The following TNFAIP6 variants were observed in gnomAD, a reference collection of about 807,000 sequenced individuals.
TNFAIP6 encodes TNF alpha induced protein 6.
In TNFAIP6, 36 loss-of-function variants were observed where a neutral mutation model predicts 33.7. That is an observed-to-expected ratio of 1.07 (90% CI 0.82 to 1.41). The LOEUF (loss-of-function observed/expected upper bound fraction) is 1.41, where lower values mean the gene tolerates loss of function less well. TNFAIP6 is among the 40% of genes most tolerant of loss of function. The pLI, the probability that TNFAIP6 is intolerant of heterozygous loss-of-function variation, is 0.00. For missense variants in TNFAIP6, 273 were observed against 331.9 expected, an observed-to-expected ratio of 0.82 and a Z score of 1.38; for synonymous variants, 113 against 112.8, an observed-to-expected ratio of 1.00 and a Z score of -0.01.
intron 4 of TNFAIP6, among the ~76,000 whole-genome samples, chr2:151,372,572 G>A (rs763333308): frequency 5.3e-5 from 8 of 152,044 alleles, no homozygotes; most frequent in Admixed American, 1.3e-4. Flanking sequence ...ATATCACCAA[G>A]CATATGCCCA....
intron 5 of TNFAIP6, among the ~76,000 whole-genome samples, chr2:151,376,758 T>C (rs1033223536): frequency 6.6e-6 from 1 of 152,098 alleles, no homozygotes; most frequent in Non-Finnish European, 1.5e-5. Context: ...TTTTCTTTTG[T>C]TATTCAACGT....
chr2:151,374,395 A>G (rs1437300211), intron 5 of TNFAIP6, among the ~76,000 whole-genome samples: 1 of 152,162 alleles, frequency 6.6e-6, no homozygotes, highest in Non-Finnish European at 1.5e-5. Flanking sequence ...TCAGTATTTT[A>G]TTTTATTTCC....
At position 151,373,594 on chromosome 2, in the gene TNFAIP6, G is replaced by A; in HGVS notation, c.664+5G>A. The A allele has an allele frequency of 2.0e-6, 3 of 1,517,804 alleles. No individual in the cohort carries two copies. The South Asian group carries it at 4.0e-5, about 20-fold the overall frequency. The allele number at this position is 1,517,804 out of a possible 1,614,324, so 94.0% of individuals were successfully genotyped here. A position where few individuals can be genotyped will look rare whatever the true frequency, so the allele number is the denominator to read the frequency against. ...CAGATGACATCATCAGTACAGGTAAGGTTTTAAATTGAGGACCAAAACTAT... is the reference window on the plus strand; with the variant it reads ...CAGATGACATCATCAGTACAGGTAAAGTTTTAAATTGAGGACCAAAACTAT... On this transcript the variant is annotated splice_donor_5th_base_variant and intron_variant, in intron 5 of 5. Coordinates refer to ENST00000243347, the MANE Select transcript of TNFAIP6 (RefSeq NM_007115.4).
chr2:151,363,897 G>A (rs978581935), intron 1 of TNFAIP6, 46 bp from the exon 2 acceptor site: 4 of 1,598,476 alleles, frequency 2.5e-6, no homozygotes, highest in African/African-American at 2.7e-5. Context: ...CCCCTGTTCC[G>A]TAAGAAGGAA....
Position 151,366,113 on chromosome 2 carries a change from T to C in TNFAIP6, c.290T>C (p.Val97Ala). ...AAGGGCAGAGTTGGATACCCCATTG[T>C]GAAGCCAGGGCCCAACTGTGGATTT... is the stretch of plus-strand genomic sequence containing the variant. Reference protein sequence around the residue: ...MAKGRVGYPIVKPGPNCGFGK... With the variant: ...MAKGRVGYPIAKPGPNCGFGK... The change falls in exon 3 of 6, where the codon GTG (valine) becomes GCG (alanine). Residue 97 changes from valine (V) to alanine (A), a missense_variant. Val to Ala is a moderately conservative substitution (Grantham distance 64, BLOSUM62 0). Transcript: ENST00000243347. The C allele has an allele frequency of 6.2e-7, 1 of 1,614,196 alleles. No individual in the cohort carries two copies. Among genetic ancestry groups the C allele is most frequent in the Non-Finnish European group, 8.5e-7 (1 of 1,180,018 alleles).
chr2:151,371,292 A>G (rs1684811814), intron 4 of TNFAIP6, among the ~76,000 whole-genome samples: 1 of 152,122 alleles, frequency 6.6e-6, no homozygotes, highest in African/African-American at 2.4e-5. Flanking sequence ...TATATTGCAA[A>G]TTAAAGAGTG....
In TNFAIP6 at chr2:151,366,108, C is replaced by T. The variant is rs767780261; in HGVS notation, c.285C>T (p.Pro95=). The T allele has an allele frequency of 1.2e-6, 2 of 1,614,088 alleles. No individual in the cohort carries two copies. The highest frequency in any genetic ancestry group is 1.7e-6 in the Non-Finnish European group (2 of 1,179,980). ...TGGCTAAGGGCAGAGTTGGATACCC[C>T]ATTGTGAAGCCAGGGCCCAACTGTG... ...GWMAKGRVGY[P]IVKPGPNCGF... is the part of the protein sequence containing the mutation. The change falls in exon 3 of 6, where the codon CCC becomes CCT. Residue 95 remains proline (P), a synonymous_variant. Coordinates refer to ENST00000243347, the MANE Select transcript of TNFAIP6 (RefSeq NM_007115.4).
chr2:151,368,860 G>A (rs2152015570), intron 3 of TNFAIP6, among the ~76,000 whole-genome samples: 1 of 152,228 alleles, frequency 6.6e-6, no homozygotes, highest in Non-Finnish European at 1.5e-5. Context: ...CATCTTGATA[G>A]GGCTGTTTGT....
At chr2:151,369,388 C>T (rs1684773229) in intron 3 of TNFAIP6, among the ~76,000 whole-genome samples, 1 of 152,138 alleles carries the variant, frequency 6.6e-6, no homozygotes, top group African/African-American at 2.4e-5. Flanking sequence ...CTCCTAGGCT[C>T]ATGAGATTCT....
chr2:151,370,707 G>A (rs1223592867), intron 4 of TNFAIP6, among the ~76,000 whole-genome samples: 1 of 152,192 alleles, frequency 6.6e-6, no homozygotes, highest in Non-Finnish European at 1.5e-5. Context: ...ACTAACAATA[G>A]GAGGAAGAAA....
intron 1 of TNFAIP6, among the ~76,000 whole-genome samples, chr2:151,360,532 A>C (rs1684609916): frequency 1.3e-5 from 2 of 152,208 alleles, no homozygotes; most frequent in African/African-American, 2.4e-5. Flanking sequence ...TGACTAGATA[A>C]ATTAATAAAA....
chr2:151,367,174 G>GTAACTAACCTA (rs1374815310), intron 3 of TNFAIP6, among the ~76,000 whole-genome samples: 1 of 152,042 alleles, frequency 6.6e-6, no homozygotes, highest in Non-Finnish European at 1.5e-5. Context: ...TCTCATGTCT[G>GTAACTAACCTA]TAACTAACCT....
chr2:151,359,654 C>T (rs1157654529), intron 1 of TNFAIP6, among the ~76,000 whole-genome samples: 1 of 152,140 alleles, frequency 6.6e-6, no homozygotes, highest in Admixed American at 6.5e-5. Flanking sequence ...TCCCAAAGTG[C>T]TGGGATTATA....
intron 3 of TNFAIP6, among the ~76,000 whole-genome samples, chr2:151,367,128 C>A (rs1347821862): frequency 3.3e-5 from 5 of 152,116 alleles, no homozygotes; most frequent in Non-Finnish European, 7.4e-5. Context: ...ATTATAAAAT[C>A]TATTATTTAA....
chr2:151,375,250 G>GA lies in TNFAIP6; in HGVS notation c.664+1671dup, dbSNP rs11313538. On this transcript the variant is annotated intron_variant, in intron 5 of 5. Transcript: ENST00000243347. ...TATTGGCACAACTTCAAGAAACTGG[G>GA]AAAAAAAAAACCCACACAATTTATC... Among the ~76,000 whole-genome samples, 1,337 of 142,820 alleles carry GA rather than the reference G, an allele frequency of 9.4e-3. 9 individuals carry two copies. Among genetic ancestry groups the GA allele is most frequent in the Middle Eastern group, 0.025 (7 of 278 alleles). 93.7% of individuals were successfully genotyped at this position (142,820 alleles called of 152,430 possible).
intron 1 of TNFAIP6, 128 bp downstream of exon 1, chr2:151,357,888 A>G: frequency 1.8e-6 from 1 of 569,924 alleles, no homozygotes. Context: ...ATGCTTAGGA[A>G]AGATAGCCTT....
Position 151,370,034 on chromosome 2 carries a change from G to A in TNFAIP6, c.409G>A (p.Gly137Ser), listed in dbSNP as rs745433699. ...CYNPHAKECG[G>S]VFTDPKQIFK... ...TCTCATTTCAGCAAAGGAGTGTGGT[G>A]GCGTCTTTACAGATCCAAAGCAAAT... The change falls in exon 4 of 6, where the codon GGC becomes AGC. Residue 137 changes from glycine to serine, a missense_variant. Coordinates refer to ENST00000243347, the MANE Select transcript of TNFAIP6 (RefSeq NM_007115.4). 5.6e-6 allele frequency: 9 copies of A among 1,612,806 alleles called. No individual in the cohort carries two copies. The highest frequency in any genetic ancestry group is 1.1e-5 in the South Asian group (1 of 90,930).
intron 1 of TNFAIP6, among the ~76,000 whole-genome samples, chr2:151,363,704 A>C (rs1437388045): frequency 1.3e-5 from 2 of 152,062 alleles, no homozygotes; most frequent in African/African-American, 4.8e-5. Context: ...AACAAACAAA[A>C]AAACATAATT....
At chr2:151,369,205 C>A (rs77964389) in intron 3 of TNFAIP6, among the ~76,000 whole-genome samples, 21,870 of 151,908 alleles carry the variant, frequency 0.14, 1,736 homozygotes, top group African/African-American at 0.2. Flanking sequence ...ACAACAACAA[C>A]AAAAAATAGG....
Sources: gnomAD v4.1 joint callset for allele counts (sites outside exome capture counted in the v4.1 genomes callset) on GRCh38, gnomAD v4.1.1 for gene constraint, MANE v1.5 for transcripts, NCBI Gene and HGNC (gene_info 2026-07-23, HGNC 2026-07-21) for gene names.